The following CTNNA2 variants were observed in gnomAD, a reference collection of about 807,000 sequenced individuals.
CTNNA2 encodes catenin alpha-2.
A neutral mutation model predicts 101.0 loss-of-function variants in CTNNA2; 42 were observed. That is an observed-to-expected ratio of 0.42 (90% CI 0.32 to 0.54). CTNNA2 has a LOEUF of 0.54. CTNNA2 is among the 20% of genes least tolerant of loss of function. The pLI, the probability that CTNNA2 is intolerant of heterozygous loss-of-function variation, is 0.14. For missense variants in CTNNA2, 871 were observed against 1,223.1 expected (o/e 0.71, Z 4.29); for synonymous variants, 450 against 456.4 (o/e 0.99, Z 0.18).
intron 1 of CTNNA2, among the ~76,000 whole-genome samples, chr2:79,647,397 C>A (rs2104452857): frequency 6.6e-6 from 1 of 152,262 alleles, no homozygotes; most frequent in East Asian, 1.9e-4. Flanking sequence ...TTAATCCTCA[C>A]AATAAGCCTA....
intron 3 of CTNNA2, among the ~76,000 whole-genome samples, chr2:79,324,112 G>C (rs987504701): frequency 6.6e-6 from 1 of 152,260 alleles, no homozygotes; most frequent in Non-Finnish European, 1.5e-5. Context: ...ACAGTGTCCT[G>C]CTCTTTTATA....
chr2:80,160,949 T>C (rs1404596330), intron 7 of CTNNA2, among the ~76,000 whole-genome samples: 1 of 152,142 alleles, frequency 6.6e-6, no homozygotes, highest in African/African-American at 2.4e-5. Context: ...CCTCTATTCA[T>C]ATTCTTCAGA....
At chr2:79,207,379 G>C (rs1674112909) in intron 2 of CTNNA2, among the ~76,000 whole-genome samples, 1 of 152,120 alleles carries the variant, frequency 6.6e-6, no homozygotes, top group South Asian at 2.1e-4. Flanking sequence ...TTAAGGTAAA[G>C]GAGAACCAGA....
intron 18 of CTNNA2, among the ~76,000 whole-genome samples, chr2:80,645,434 GACGGAAGTCCTGAAATC>G (rs1399302780): frequency 1.3e-5 from 2 of 152,152 alleles, no homozygotes; most frequent in African/African-American, 4.8e-5. Context: ...ACTTGTGTAT[GACGGAAGTCCTGAAATC>G]ACTGGATAAA....
At chr2:80,590,843 A>T (rs1696425404) in intron 15 of CTNNA2, among the ~76,000 whole-genome samples, 1 of 152,220 alleles carries the variant, frequency 6.6e-6, no homozygotes, top group African/African-American at 2.4e-5. Context: ...TTATTTCACA[A>T]AGCGTAACAG....
chr2:79,509,000 TATATATATATATAA>T (rs1445909173), upstream of CTNNA2, among the ~76,000 whole-genome samples: 505 of 52,042 alleles, frequency 9.7e-3, 29 homozygotes, highest in Non-Finnish European at 0.015. Context: ...TATATATATA[TATATATATATATAA>T]ACAATTACCT....
At chr2:80,592,173 CTG>C (rs1162641648) in intron 15 of CTNNA2, among the ~76,000 whole-genome samples, 2 of 152,154 alleles carry the variant, frequency 1.3e-5, no homozygotes, top group Non-Finnish European at 2.9e-5. Flanking sequence ...GTACAACTGA[CTG>C]TAAAATACTG....
intron 2 of CTNNA2, among the ~76,000 whole-genome samples, chr2:79,722,448 G>A (rs1686549976): frequency 6.6e-6 from 1 of 152,140 alleles, no homozygotes. Context: ...TAGAGGAAGT[G>A]TTAACCTGGG....
chr2:80,593,512 G>A (rs1012335399), intron 15 of CTNNA2, among the ~76,000 whole-genome samples: 1 of 152,050 alleles, frequency 6.6e-6, no homozygotes, highest in Non-Finnish European at 1.5e-5. Context: ...TATACATCAT[G>A]AAGTTTACCA....
At chr2:80,307,972 G>A (rs1302122048) in intron 7 of CTNNA2, among the ~76,000 whole-genome samples, 1 of 152,222 alleles carries the variant, frequency 6.6e-6, no homozygotes, top group African/African-American at 2.4e-5. Flanking sequence ...CTAAGGGGAG[G>A]TAGAAGAGAG....
At chr2:80,050,472 C>G (rs1696806104) in intron 7 of CTNNA2, among the ~76,000 whole-genome samples, 1 of 152,194 alleles carries the variant, frequency 6.6e-6, no homozygotes, top group Non-Finnish European at 1.5e-5. Context: ...CCACATGTCC[C>G]TTGCATTGTG....
At chr2:80,486,345 C>T (rs1448080151) in intron 9 of CTNNA2, among the ~76,000 whole-genome samples, 1 of 152,262 alleles carries the variant, frequency 6.6e-6, no homozygotes, top group African/African-American at 2.4e-5. Flanking sequence ...GTGTTCAAAT[C>T]TTGTTTTGTT....
At chr2:80,164,937 TG>T (rs200790298) in intron 7 of CTNNA2, among the ~76,000 whole-genome samples, 24 of 139,946 alleles carry the variant, frequency 1.7e-4, no homozygotes, top group African/African-American at 4.3e-4. Flanking sequence ...TCCCAACTTT[TG>T]GTTTTTTTTT....
chr2:79,708,182 T>C (rs1430770410), intron 2 of CTNNA2, among the ~76,000 whole-genome samples: 1 of 152,192 alleles, frequency 6.6e-6, no homozygotes, highest in Non-Finnish European at 1.5e-5. Context: ...GCTTATACAG[T>C]GTACTATGCT....
At chr2:80,563,424 G>A (rs1420885535) in intron 12 of CTNNA2, among the ~76,000 whole-genome samples, 1 of 152,160 alleles carries the variant, frequency 6.6e-6, no homozygotes, top group East Asian at 1.9e-4. Flanking sequence ...AATAGTTTTG[G>A]TAATGAAAAA....
intron 7 of CTNNA2, among the ~76,000 whole-genome samples, chr2:80,141,144 C>T (rs528350915): frequency 6.6e-6 from 1 of 152,110 alleles, no homozygotes; most frequent in East Asian, 1.9e-4. Flanking sequence ...TAGGCAGGAG[C>T]CTGCCTCAGG....
chr2:80,567,647 C>T (rs1438698104), intron 12 of CTNNA2, among the ~76,000 whole-genome samples: 2 of 152,134 alleles, frequency 1.3e-5, no homozygotes, highest in Non-Finnish European at 2.9e-5. Flanking sequence ...ACATCACTTA[C>T]CTGGTATAGG....
intron 2 of CTNNA2, among the ~76,000 whole-genome samples, chr2:79,249,446 A>G (rs1403624040): frequency 2.6e-5 from 4 of 152,186 alleles, no homozygotes; most frequent in East Asian, 1.9e-4. Flanking sequence ...ATCAAATTAT[A>G]TACTCTAATG....
chr2:79,886,380 C>A (rs1426632843), intron 6 of CTNNA2, among the ~76,000 whole-genome samples: 1 of 151,984 alleles, frequency 6.6e-6, no homozygotes, highest in African/African-American at 2.4e-5. Flanking sequence ...AATAGGAGAC[C>A]AATCCTGAAG....
Sources: gnomAD v4.1 joint callset for allele counts (sites outside exome capture counted in the v4.1 genomes callset) on GRCh38, gnomAD v4.1.1 for gene constraint, MANE v1.5 for transcripts, NCBI Gene and HGNC (gene_info 2026-07-23, HGNC 2026-07-21) for gene names.